ADGRB3: variants seen among roughly 807,000 people sequenced by gnomAD.
The protein encoded by ADGRB3 is brain-specific angiogenesis inhibitor 3.
A neutral mutation model predicts 193.4 loss-of-function variants in ADGRB3; 37 were observed. The observed-to-expected ratio is 0.19, with a 90% CI of 0.15 to 0.25. ADGRB3 has a LOEUF of 0.25. ADGRB3 is among the 10% of genes least tolerant of loss of function. The probability of loss-of-function intolerance (pLI) is 1.00; values close to 1 mark genes in which losing one functional copy is unlikely to be tolerated. For synonymous variants in ADGRB3, 690 were observed against 644.2 expected (o/e 1.07, Z -1.08); for missense variants, 1,637 against 1,852.9 (o/e 0.88, Z 2.14).
chr6:69,308,152 C>G (rs1768103953), intron 20 of ADGRB3, among the ~76,000 whole-genome samples: 2 of 151,364 alleles, frequency 1.3e-5, no homozygotes, highest in South Asian at 4.1e-4. Context: ...GAAATGAGAC[C>G]TGGAATAAAT....
chr6:69,276,310 A>C lies in ADGRB3; in HGVS notation c.2814+37084A>C, dbSNP rs186099538. On this transcript the variant is annotated intron_variant, in intron 20 of 31. Coordinates refer to ENST00000370598, the MANE Select transcript of ADGRB3 (RefSeq NM_001704.3). ...ACATTTAGTATCCAGATATCAGCAA[A>C]AGGCCAAATAGAGAAGAAATTAAAA... Among the ~76,000 whole-genome samples, 56 of 152,320 alleles carry C rather than the reference A, an allele frequency of 3.7e-4. No homozygotes were observed. The East Asian group carries it at 9.8e-3, about 27-fold the overall frequency.
At chr6:69,154,157 A>G (rs1334512451) in intron 17 of ADGRB3, among the ~76,000 whole-genome samples, 1 of 14,476 alleles carries the variant, frequency 6.9e-5, no homozygotes, top group Non-Finnish European at 4.0e-3. Flanking sequence ...TCTGCCCACA[A>G]TTTCAGCTTA....
At chr6:69,285,931 T>C (rs985718188) in intron 20 of ADGRB3, among the ~76,000 whole-genome samples, 16 of 151,752 alleles carry the variant, frequency 1.1e-4, no homozygotes, top group Admixed American at 1.1e-3. Context: ...AAACAAAAGG[T>C]TTACTGTAAT....
chr6:68,923,846 G>A (rs1444163267), intron 3 of ADGRB3, among the ~76,000 whole-genome samples: 1 of 151,950 alleles, frequency 6.6e-6, no homozygotes, highest in Non-Finnish European at 1.5e-5. Context: ...ACCATCCAGG[G>A]ACAATTCAGT....
intron 3 of ADGRB3, among the ~76,000 whole-genome samples, chr6:68,819,553 A>T (rs1008024163): frequency 6.6e-6 from 1 of 151,968 alleles, no homozygotes; most frequent in African/African-American, 2.4e-5. Flanking sequence ...AAATCTCTAT[A>T]TGTAGGACTG....
intron 3 of ADGRB3, among the ~76,000 whole-genome samples, chr6:68,693,882 C>T (rs560768791): frequency 6.6e-6 from 1 of 152,042 alleles, no homozygotes; most frequent in South Asian, 2.1e-4. Flanking sequence ...CCATATTATT[C>T]TATATGAACC....
chr6:69,041,919 T>C (rs1771083621), intron 13 of ADGRB3, among the ~76,000 whole-genome samples: 1 of 152,208 alleles, frequency 6.6e-6, no homozygotes, highest in African/African-American at 2.4e-5. Flanking sequence ...AACTAAGTGA[T>C]ATAATTTGGC....
chr6:68,696,389 A>G lies in ADGRB3; in HGVS notation c.757+56957A>G, dbSNP rs192243311. Among the ~76,000 whole-genome samples the G allele has an allele frequency of 5.9e-4, 90 of 151,678 alleles. 1 individual carries two copies. The highest frequency in any genetic ancestry group is 2.0e-3 in the Admixed American group (31 of 15,192). The stretch of plus-strand genomic sequence containing the variant: ...ATTTTAAATTTTTATAGTTTCCTGT[A>G]TTTTTGAAAATTGACATTTGCCACT... On this transcript the variant is annotated intron_variant, in intron 3 of 31. Transcript: ENST00000370598.
At chr6:68,875,892 C>T (rs1765582362) in intron 3 of ADGRB3, among the ~76,000 whole-genome samples, 1 of 151,296 alleles carries the variant, frequency 6.6e-6, no homozygotes, top group Admixed American at 6.6e-5. Flanking sequence ...CCATATTTCC[C>T]CCATATGATT....
At chr6:68,658,657 T>C (rs1357861879) in intron 3 of ADGRB3, among the ~76,000 whole-genome samples, 1 of 151,328 alleles carries the variant, frequency 6.6e-6, no homozygotes, top group African/African-American at 2.4e-5. Context: ...TGCTACATTT[T>C]AAATTAGTAT....
intron 11 of ADGRB3, 78 bp downstream of exon 11, chr6:68,994,040 G>A (rs533160784): frequency 2.6e-5 from 37 of 1,403,820 alleles, no homozygotes; most frequent in Middle Eastern, 4.9e-4. Context: ...CAGTGCAGCC[G>A]TCTTGGAGGC....
intron 17 of ADGRB3, among the ~76,000 whole-genome samples, chr6:69,102,476 C>A (rs9454695): frequency 0.67 from 102,649 of 152,080 alleles, 35,621 homozygotes; most frequent in East Asian, 0.96. Context: ...TTTATGTTTA[C>A]TGTGTTTCAG....
chr6:69,249,267 C>A (rs565110808), intron 20 of ADGRB3, among the ~76,000 whole-genome samples: 2 of 152,128 alleles, frequency 1.3e-5, no homozygotes, highest in African/African-American at 4.8e-5. Flanking sequence ...TGAGCCACGG[C>A]GCCCAGCTGA....
At chr6:68,654,834 G>T (rs1020116375) in intron 3 of ADGRB3, among the ~76,000 whole-genome samples, 1 of 151,732 alleles carries the variant, frequency 6.6e-6, no homozygotes, top group African/African-American at 2.4e-5. Flanking sequence ...AATTTGATTT[G>T]TTTGAAAATT....
At chr6:69,043,408 G>C (rs2150299906) in intron 13 of ADGRB3, among the ~76,000 whole-genome samples, 1 of 152,280 alleles carries the variant, frequency 6.6e-6, no homozygotes, top group Admixed American at 6.5e-5. Flanking sequence ...TAAAGGAGAA[G>C]CTCTATTTAT....
intron 3 of ADGRB3, among the ~76,000 whole-genome samples, chr6:68,642,822 A>G (rs1032982012): frequency 1.3e-5 from 2 of 151,986 alleles, no homozygotes; most frequent in Admixed American, 1.3e-4. Context: ...AAAAAACTCA[A>G]ATAACATTAT....
intron 3 of ADGRB3, among the ~76,000 whole-genome samples, chr6:68,880,410 TTTC>T (rs1230742429): frequency 2.0e-5 from 3 of 152,234 alleles, no homozygotes; most frequent in Non-Finnish European, 4.4e-5. Context: ...GTCAAATTTG[TTTC>T]TTAAGTGTAA....
At chr6:69,336,454 A>G (rs1013701553) in intron 24 of ADGRB3, among the ~76,000 whole-genome samples, 1 of 151,666 alleles carries the variant, frequency 6.6e-6, no homozygotes, top group Non-Finnish European at 1.5e-5. Context: ...CTTTCCAGGG[A>G]ATATTTTATG....
chr6:68,787,273 T>C (rs1766995356), intron 3 of ADGRB3, among the ~76,000 whole-genome samples: 1 of 152,204 alleles, frequency 6.6e-6, no homozygotes, highest in Non-Finnish European at 1.5e-5. Flanking sequence ...CCATTCAGTA[T>C]GATATTGGCT....
Sources: allele counts gnomAD v4.1 joint callset (sites outside exome capture counted in the v4.1 genomes callset), GRCh38; gene constraint gnomAD v4.1.1; transcripts MANE v1.5; gene names NCBI Gene and HGNC (gene_info 2026-07-23, HGNC 2026-07-21).